RIMBP2: variants seen among roughly 807,000 people sequenced by gnomAD.
The protein encoded by RIMBP2 is RIMS binding protein 2, also known as RIMS-binding protein 2.
Under a neutral mutation model 118.6 loss-of-function variants are expected in RIMBP2, and 48 were observed. That is an observed-to-expected ratio of 0.40 (90% CI 0.32 to 0.51). RIMBP2 has a LOEUF of 0.51. Ranked by LOEUF, RIMBP2 falls within the 20% of genes least tolerant of loss-of-function variation. The pLI, the probability that RIMBP2 is intolerant of heterozygous loss-of-function variation, is 0.41. For missense variants in RIMBP2, 1,551 were observed against 1,768.3 expected (o/e 0.88, Z 2.20); for synonymous variants, 762 against 742.9 (o/e 1.03, Z -0.42).
intron 6 of RIMBP2, among the ~76,000 whole-genome samples, chr12:130,457,961 A>G (rs1470399609): frequency 6.6e-6 from 1 of 152,102 alleles, no homozygotes; most frequent in Non-Finnish European, 1.5e-5. Flanking sequence ...GGCTGACGAC[A>G]CTGACGTTTC....
chr12:130,522,427 G>A (rs577677746), intron 2 of RIMBP2, among the ~76,000 whole-genome samples: 25 of 152,320 alleles, frequency 1.6e-4, no homozygotes, highest in African/African-American at 5.1e-4. Context: ...TCCCTCCTGC[G>A]GGTGCCACGT....
chr12:130,427,371 G>A (rs1242259954), intron 15 of RIMBP2: 1 of 152,232 alleles, frequency 6.6e-6, no homozygotes, highest in East Asian at 1.9e-4. Flanking sequence ...GCCTAGCACA[G>A]GGCCTGGTGC....
intron 2 of RIMBP2, among the ~76,000 whole-genome samples, chr12:130,618,254 T>C (rs1481757209): frequency 6.6e-6 from 1 of 152,112 alleles, no homozygotes; most frequent in African/African-American, 2.4e-5. Context: ...TCTCATCACA[T>C]TCACTCCTGG....
intron 1 of RIMBP2, among the ~76,000 whole-genome samples, chr12:130,632,805 TAC>T (rs2140971456): frequency 6.6e-6 from 1 of 152,262 alleles, no homozygotes; most frequent in East Asian, 1.9e-4. Flanking sequence ...TAAAATTGAG[TAC>T]AGAGCTTGAA....
chr12:130,669,557 C>G (rs2064107857), intron 1 of RIMBP2, among the ~76,000 whole-genome samples: 1 of 152,182 alleles, frequency 6.6e-6, no homozygotes, highest in African/African-American at 2.4e-5. Context: ...ACTCTTCTCT[C>G]TCCTGCCACC....
chr12:130,707,441 T>C (rs1949575536), intron 1 of RIMBP2, among the ~76,000 whole-genome samples: 1 of 151,984 alleles, frequency 6.6e-6, no homozygotes, highest in African/African-American at 2.4e-5. Flanking sequence ...TGGCAGGCAG[T>C]CAGGGAAGGC....
At chr12:130,433,382 C>T (rs2077281983) in intron 14 of RIMBP2, among the ~76,000 whole-genome samples, 1 of 152,174 alleles carries the variant, frequency 6.6e-6, no homozygotes, top group South Asian at 2.1e-4. Context: ...GGATGCACAG[C>T]CTTTCCCCAA....
At chr12:130,699,904 TAAAAAAA>T (rs33963621) in intron 1 of RIMBP2, among the ~76,000 whole-genome samples, 6 of 85,672 alleles carry the variant, frequency 7.0e-5, no homozygotes, top group East Asian at 3.0e-4. Flanking sequence ...GACTCTGTCT[TAAAAAAA>T]AAAAAAAAAA....
chr12:130,686,124 G>C (rs114599372), intron 1 of RIMBP2, among the ~76,000 whole-genome samples: 1 of 152,118 alleles, frequency 6.6e-6, no homozygotes, highest in Non-Finnish European at 1.5e-5. Context: ...GAAAACCCAG[G>C]CTGCCTGGCC....
At chr12:130,557,534 C>T (rs2056466469) in intron 2 of RIMBP2, among the ~76,000 whole-genome samples, 1 of 152,144 alleles carries the variant, frequency 6.6e-6, no homozygotes, top group South Asian at 2.1e-4. Flanking sequence ...TTCCAAAGCC[C>T]GCAGCCCCAG....
chr12:130,656,730 T>G (rs1202174748), intron 1 of RIMBP2, among the ~76,000 whole-genome samples: 2 of 152,030 alleles, frequency 1.3e-5, no homozygotes, highest in African/African-American at 2.4e-5. Flanking sequence ...TTTCTAAAAT[T>G]TATGTACTAA....
chr12:130,628,119 C>T (rs897894899), intron 2 of RIMBP2, among the ~76,000 whole-genome samples: 14 of 152,186 alleles, frequency 9.2e-5, no homozygotes, highest in African/African-American at 2.4e-4. Context: ...GGCCTTTGCA[C>T]GGCTGTTCCC....
Position 130,428,122 on chromosome 12 carries a change from C to T in RIMBP2, c.2412+57G>A, listed in dbSNP as rs1046717438. 33 of 1,484,322 alleles carry T rather than the reference C, an allele frequency of 2.2e-5. No homozygotes were observed. The African/African-American group carries it at 3.4e-4, about 15-fold the overall frequency. 91.9% of individuals were successfully genotyped at this position (1,484,322 alleles called of 1,614,324 possible). ...TGCCTCACCAGCCCCAGCAAAGGGA[C>T]GTGGATGGAGCTACTCTGGGGACGG... On this transcript the variant is annotated intron_variant, in intron 15 of 22. Coordinates refer to ENST00000690449, the MANE Select transcript of RIMBP2 (RefSeq NM_001393629.1).
intron 2 of RIMBP2, among the ~76,000 whole-genome samples, chr12:130,611,543 AC>A (rs543084661): frequency 2.2e-3 from 330 of 152,306 alleles, no homozygotes; most frequent in African/African-American, 7.7e-3. Context: ...GGCAGATGCC[AC>A]CATGCTGGCG....
chr12:130,514,946 C>T (rs1276705184), intron 3 of RIMBP2, among the ~76,000 whole-genome samples: 5 of 152,104 alleles, frequency 3.3e-5, no homozygotes, highest in South Asian at 2.1e-4. Flanking sequence ...GCGTGATCTC[C>T]GCTCACTGCA....
At chr12:130,542,743 A>G (rs1052392374) in intron 2 of RIMBP2, among the ~76,000 whole-genome samples, 3 of 152,328 alleles carry the variant, frequency 2.0e-5, no homozygotes, top group Middle Eastern at 3.4e-3. Flanking sequence ...CTTAACCAAG[A>G]CAATTCAACC....
chr12:130,558,307 A>G (rs1386955467), intron 2 of RIMBP2, among the ~76,000 whole-genome samples: 1 of 152,186 alleles, frequency 6.6e-6, no homozygotes, highest in African/African-American at 2.4e-5. Flanking sequence ...CTGGAAATAA[A>G]CATTTCCACA....
chr12:130,445,087 G>T, intron 10 of RIMBP2, 73 bp downstream of exon 10: 2 of 942,300 alleles, frequency 2.1e-6, no homozygotes, highest in Non-Finnish European at 3.2e-6. Flanking sequence ...TATCTATCAG[G>T]CCCCTGGAAG....
intron 4 of RIMBP2, among the ~76,000 whole-genome samples, chr12:130,488,815 G>C (rs2082691386): frequency 6.6e-6 from 1 of 152,160 alleles, no homozygotes; most frequent in Non-Finnish European, 1.5e-5. Context: ...CAGAGATAAG[G>C]GGAATCAAGA....
Sources: allele counts gnomAD v4.1 joint callset (sites outside exome capture counted in the v4.1 genomes callset), GRCh38; gene constraint gnomAD v4.1.1; transcripts MANE v1.5; gene names NCBI Gene and HGNC (gene_info 2026-07-23, HGNC 2026-07-21).